The following NKAIN2 variants were observed in gnomAD, a reference collection of about 807,000 sequenced individuals.
The protein encoded by NKAIN2 is sodium/potassium-transporting ATPase subunit beta-1-interacting protein 2.
NKAIN2 carries 14 observed loss-of-function variants against 32.6 expected under a neutral mutation model. The observed-to-expected ratio is 0.43, with a 90% confidence interval of 0.28 to 0.67. NKAIN2 has a LOEUF of 0.67. Among genes scored for constraint, NKAIN2 ranks in the 30% least tolerant of loss-of-function variants. The probability of loss-of-function intolerance (pLI) is 0.17; values close to 1 mark genes in which losing one functional copy is unlikely to be tolerated. For missense variants in NKAIN2, 198 were observed against 258.3 expected (o/e 0.77, Z 1.60); for synonymous variants, 80 against 87.2 (o/e 0.92, Z 0.46).
intron 3 of NKAIN2, among the ~76,000 whole-genome samples, chr6:124,593,431 T>C (rs1781980829): frequency 6.6e-6 from 1 of 152,084 alleles, no homozygotes; most frequent in African/African-American, 2.4e-5. Context: ...CACCAATTAG[T>C]TTGAAAGGAG....
chr6:124,477,664 T>C, intron 3 of NKAIN2, among the ~76,000 whole-genome samples: 1 of 143,794 alleles, frequency 7.0e-6, no homozygotes, highest in Non-Finnish European at 1.5e-5. Flanking sequence ...CTCTTATCCT[T>C]CCCCTTCTCC....
At chr6:124,693,576 C>T (rs969998945) in intron 4 of NKAIN2, among the ~76,000 whole-genome samples, 3 of 152,126 alleles carry the variant, frequency 2.0e-5, no homozygotes, top group Admixed American at 6.5e-5. Flanking sequence ...ATAAGGAACA[C>T]TTAACTCACC....
In NKAIN2 at chr6:124,725,014, C is replaced by T. The variant is rs138547167; in HGVS notation, c.475-66325C>T. Among the ~76,000 whole-genome samples the T allele has an allele frequency of 5.8e-4, 88 of 152,318 alleles. 1 individual carries two copies. Among genetic ancestry groups the T allele is most frequent in the African/African-American group, 1.9e-3 (80 of 41,588 alleles). ...ATTTCATGTGTATCCCTTTCAACAACTCTGCTAAGTTTACCCAGTGTCTAC... is the reference window on the plus strand; with the variant it reads ...ATTTCATGTGTATCCCTTTCAACAATTCTGCTAAGTTTACCCAGTGTCTAC... On this transcript the variant is annotated intron_variant, in intron 4 of 6. Coordinates refer to ENST00000368417, the MANE Select transcript of NKAIN2 (RefSeq NM_001040214.3).
chr6:124,587,333 G>A (rs556242670), intron 3 of NKAIN2, among the ~76,000 whole-genome samples: 5 of 151,898 alleles, frequency 3.3e-5, no homozygotes, highest in Non-Finnish European at 7.4e-5. Context: ...GGGTTCAAGC[G>A]ATTCTCCTCC....
In NKAIN2 at chr6:124,354,844, G is replaced by GAAAAAAA. The variant is rs3054410; in HGVS notation, c.193-411_193-405dup. ...TAATCCTATGAGTCCATAACAGTAA[G>GAAAAAAA]AAAAAAAAAAAAAAAAAACTCAACA... On this transcript the variant is annotated intron_variant, in intron 2 of 6. Coordinates refer to ENST00000368417, the MANE Select transcript of NKAIN2 (RefSeq NM_001040214.3). Among the ~76,000 whole-genome samples, 17 of 100,684 alleles carry GAAAAAAA rather than the reference G, an allele frequency of 1.7e-4. 2 individuals are homozygous for GAAAAAAA. Among genetic ancestry groups the GAAAAAAA allele is most frequent in the East Asian group, 3.0e-4 (1 of 3,388 alleles). 66.1% of individuals were successfully genotyped at this position (100,684 alleles called of 152,430 possible).
chr6:124,624,040 A>C (rs1369786142), intron 3 of NKAIN2, among the ~76,000 whole-genome samples: 2 of 152,182 alleles, frequency 1.3e-5, no homozygotes, highest in African/African-American at 4.8e-5. Context: ...CTCCTAAGAC[A>C]AAAGTAGTAT....
intron 4 of NKAIN2, among the ~76,000 whole-genome samples, chr6:124,788,687 A>T (rs1341797487): frequency 1.3e-5 from 2 of 151,976 alleles, no homozygotes; most frequent in African/African-American, 2.4e-5. Flanking sequence ...CCATGATTCG[A>T]TTACCTCCCA....
At chr6:124,357,821 A>AACCACG (rs2114256060) in intron 3 of NKAIN2, among the ~76,000 whole-genome samples, 1 of 152,116 alleles carries the variant, frequency 6.6e-6, no homozygotes, top group Admixed American at 6.5e-5. Flanking sequence ...ACATGTGCAC[A>AACCACG]ACGTGCAGGT....
At chr6:124,342,076 A>C (rs1234838600) in intron 2 of NKAIN2, among the ~76,000 whole-genome samples, 3 of 152,158 alleles carry the variant, frequency 2.0e-5, no homozygotes, top group African/African-American at 7.2e-5. Flanking sequence ...TTGACCAGGG[A>C]TGTTTGTTTT....
intron 1 of NKAIN2, among the ~76,000 whole-genome samples, chr6:124,245,792 C>G (rs1235403472): frequency 6.6e-6 from 1 of 151,952 alleles, no homozygotes; most frequent in African/African-American, 2.4e-5. Flanking sequence ...TGCATCACAT[C>G]CTTTCTATAC....
At chr6:124,620,978 T>TC (rs1319575681) in intron 3 of NKAIN2, among the ~76,000 whole-genome samples, 26 of 152,300 alleles carry the variant, frequency 1.7e-4, no homozygotes, top group Non-Finnish European at 3.5e-4. Context: ...AAGTTGCTTT[T>TC]TTCTCTCTCA....
intron 1 of NKAIN2, among the ~76,000 whole-genome samples, chr6:124,164,981 T>C (rs1363384746): frequency 1.3e-5 from 2 of 152,118 alleles, no homozygotes; most frequent in African/African-American, 4.8e-5. Context: ...ACTTTCATGG[T>C]CAGAGGTTCT....
intron 1 of NKAIN2, among the ~76,000 whole-genome samples, chr6:124,087,121 G>A (rs1235264754): frequency 2.0e-5 from 3 of 151,824 alleles, no homozygotes; most frequent in Non-Finnish European, 4.4e-5. Context: ...GGTTCAACAT[G>A]TAAAAATCAA....
chr6:123,973,296 G>C (rs572827168), intron 1 of NKAIN2, among the ~76,000 whole-genome samples: 1 of 152,236 alleles, frequency 6.6e-6, no homozygotes, highest in South Asian at 2.1e-4. Flanking sequence ...TAGAGCAGAG[G>C]TTAAAGAAAA....
intron 1 of NKAIN2, among the ~76,000 whole-genome samples, chr6:123,958,715 C>A (rs762627748): frequency 6.6e-6 from 1 of 152,218 alleles, no homozygotes; most frequent in Non-Finnish European, 1.5e-5. Flanking sequence ...CATATTTCCT[C>A]ATCTATGTAT....
chr6:123,809,371 C>CT (rs1773357037), intron 1 of NKAIN2, among the ~76,000 whole-genome samples: 1 of 151,944 alleles, frequency 6.6e-6, no homozygotes, highest in South Asian at 2.1e-4. Flanking sequence ...AATAAGTACT[C>CT]TATTTATTCC....
intron 3 of NKAIN2, among the ~76,000 whole-genome samples, chr6:124,483,547 A>T (rs1237802087): frequency 6.6e-6 from 1 of 152,152 alleles, no homozygotes; most frequent in Non-Finnish European, 1.5e-5. Context: ...AAAAAAGATA[A>T]ACCTGTTGAA....
At chr6:123,839,092 G>C (rs1774752942) in intron 1 of NKAIN2, among the ~76,000 whole-genome samples, 1 of 152,090 alleles carries the variant, frequency 6.6e-6, no homozygotes, top group Non-Finnish European at 1.5e-5. Flanking sequence ...ATGCTGCTTA[G>C]GGGGAGAGGG....
intron 3 of NKAIN2, among the ~76,000 whole-genome samples, chr6:124,566,300 A>G (rs1186858603): frequency 2.0e-5 from 3 of 152,204 alleles, no homozygotes; most frequent in Admixed American, 6.5e-5. Flanking sequence ...AGAAGTCAGT[A>G]TGGGCCTTTA....
Sources: allele counts gnomAD v4.1 joint callset (sites outside exome capture counted in the v4.1 genomes callset), GRCh38; gene constraint gnomAD v4.1.1; transcripts MANE v1.5; gene names NCBI Gene and HGNC (gene_info 2026-07-23, HGNC 2026-07-21).